The following ZNF469 variants were observed in gnomAD, a reference collection of about 807,000 sequenced individuals.
ZNF469 encodes zinc finger protein 469.
ZNF469 carries 1 observed loss-of-function variant against 1.0 expected under a neutral mutation model. The ratio of observed to expected loss-of-function variants is 1.00; its 90% CI spans 0.35 to 4.73. ZNF469 has a LOEUF of 4.73. ZNF469 is among the 30% of genes most tolerant of loss of function. The probability of loss-of-function intolerance (pLI) is 0.16; values close to 1 mark genes in which losing one functional copy is unlikely to be tolerated. For missense variants in ZNF469, 6,100 were observed against 5,356.3 expected (o/e 1.14, Z -4.33); for synonymous variants, 2,703 against 2,363.4 (o/e 1.14, Z -4.17).
At position 88,431,504 on chromosome 16, in the gene ZNF469, T is replaced by C; in HGVS notation, c.4034T>C (p.Leu1345Pro). 6 of 1,550,456 alleles carry C rather than the reference T, an allele frequency of 3.9e-6. No individual in the cohort carries two copies. Among genetic ancestry groups the C allele is most frequent in the Non-Finnish European group, 5.2e-6 (6 of 1,146,990 alleles). Reference sequence around the variant, plus strand: ...ACCGCCTGCCCCAAACCCAGTGTTCTGTCTTCAAAGATCTCCAGTTTTGGC... The same window carrying C: ...ACCGCCTGCCCCAAACCCAGTGTTCCGTCTTCAAAGATCTCCAGTTTTGGC... Reference protein sequence around the residue: ...SSTACPKPSVLSSKISSFGCD... With the variant: ...SSTACPKPSVPSSKISSFGCD... The change falls in exon 3 of 3, where the codon CTG (leucine) becomes CCG (proline). Residue 1345 changes from leucine to proline, a missense_variant. Coordinates refer to ENST00000565624, the MANE Select transcript of ZNF469 (RefSeq NM_001367624.2).
chr16:88,302,441 G>C, the ZNF469 span: 1 of 152,162 alleles, frequency 6.6e-6, no homozygotes, highest in African/African-American at 2.4e-5. Context: ...CCTTTGGCCC[G>C]GAAGCGCGGC....
chr16:88,319,105 G>A, the ZNF469 span, among the ~76,000 whole-genome samples: 1,638 of 152,262 alleles, frequency 0.011, 25 homozygotes, highest in African/African-American at 0.038. Flanking sequence ...TCAGGCTTCC[G>A]ATGCATGCCT....
the ZNF469 span, among the ~76,000 whole-genome samples, chr16:88,176,776 G>A: frequency 6.8e-4 from 103 of 152,374 alleles, no homozygotes; most frequent in East Asian, 3.3e-3. Context: ...AACGCCCAGC[G>A]CAGCTTCTGG....
intron 1 of ZNF469, among the ~76,000 whole-genome samples, chr16:88,407,010 C>A (rs1191976647): frequency 6.6e-6 from 1 of 152,200 alleles, no homozygotes; most frequent in African/African-American, 2.4e-5. Flanking sequence ...TTTTAAGAGA[C>A]CAGGAGATCG....
chr16:88,311,090 C>G, the ZNF469 span, among the ~76,000 whole-genome samples: 1 of 152,202 alleles, frequency 6.6e-6, no homozygotes, highest in African/African-American at 2.4e-5. Flanking sequence ...GTTTTGAGGA[C>G]CGCCTGGGCA....
rs189845621 is a variant in ZNF469 at position 88,414,757 on chromosome 16, G to A, written c.-191-10050G>A. On this transcript the variant is annotated intron_variant, in intron 1 of 2. Transcript: ENST00000565624. Reference sequence around the variant, plus strand: ...CAGGGAACAGGGCTCTTCAGTGCCCGGGCGGCACAGGGCCACCCCTCACCA... The same window carrying A: ...CAGGGAACAGGGCTCTTCAGTGCCCAGGCGGCACAGGGCCACCCCTCACCA... 4.6e-5 allele frequency among the ~76,000 whole-genome samples: 7 copies of A among 152,354 alleles called. No individual in the cohort carries two copies. The South Asian group carries it at 8.3e-4, about 18-fold the overall frequency.
the ZNF469 span, among the ~76,000 whole-genome samples, chr16:88,313,443 C>G: frequency 6.6e-6 from 1 of 152,208 alleles, no homozygotes; most frequent in Non-Finnish European, 1.5e-5. Flanking sequence ...TAGTGAATAT[C>G]TCTGTCTTAT....
At chr16:88,194,476 C>G in the ZNF469 span, 1 of 152,308 alleles carries the variant, frequency 6.6e-6, no homozygotes, top group African/African-American at 2.4e-5. Context: ...CCTGCAAGAC[C>G]TGCACAGCTC....
At chr16:88,202,666 CGTT>C in the ZNF469 span, among the ~76,000 whole-genome samples, 949 of 152,266 alleles carry the variant, frequency 6.2e-3, 16 homozygotes, top group South Asian at 0.054. Context: ...CCTTAGGAAA[CGTT>C]GTGTCTGCAT....
chr16:88,160,207 C>G, the ZNF469 span, among the ~76,000 whole-genome samples: 1 of 152,344 alleles, frequency 6.6e-6, no homozygotes, highest in Non-Finnish European at 1.5e-5. Context: ...TAAGGAGCCA[C>G]GGCTGTCGCT....
chr16:88,299,426 C>A, the ZNF469 span, among the ~76,000 whole-genome samples: 12 of 152,236 alleles, frequency 7.9e-5, no homozygotes, highest in African/African-American at 2.6e-4. Flanking sequence ...CTCCAGGTGC[C>A]GGCAGCACTG....
At chr16:88,414,678 G>A (rs924547713) in intron 1 of ZNF469, among the ~76,000 whole-genome samples, 1 of 152,252 alleles carries the variant, frequency 6.6e-6, no homozygotes, top group African/African-American at 2.4e-5. Context: ...TCCTGCTCTC[G>A]AGAACAGGCC....
the ZNF469 span, among the ~76,000 whole-genome samples, chr16:88,117,171 G>A: frequency 6.6e-6 from 1 of 151,482 alleles, no homozygotes; most frequent in African/African-American, 2.4e-5. Context: ...TGAGAACTGG[G>A]GGCATGTGAG....
the ZNF469 span, among the ~76,000 whole-genome samples, chr16:88,220,316 G>A: frequency 1.3e-5 from 2 of 152,156 alleles, no homozygotes; most frequent in Non-Finnish European, 2.9e-5. Flanking sequence ...CCGGTGTGAC[G>A]CCAACCCTGC....
the ZNF469 span, among the ~76,000 whole-genome samples, chr16:88,158,055 T>A: frequency 2.6e-5 from 4 of 151,316 alleles, no homozygotes; most frequent in African/African-American, 9.7e-5. Flanking sequence ...GCTCCGGGGG[T>A]CTGCTCTTGG....
At position 88,437,628 on chromosome 16, in the gene ZNF469, G is replaced by A. The variant is rs1454928995; in HGVS notation, c.10158G>A (p.Gly3386=). ...EHGELLAHLG[G]AHGLLERPEL... ...GGGAGCTGCTGGCACACCTGGGCGGGGCGCACGGGCTGCTGGAGCGGCCGG... is the reference window on the plus strand; with the variant it reads ...GGGAGCTGCTGGCACACCTGGGCGGAGCGCACGGGCTGCTGGAGCGGCCGG... Residue 3386 remains glycine, a synonymous_variant, in exon 3 of 3, where the codon GGG becomes GGA. Transcript: ENST00000565624. The A allele has an allele frequency of 1.3e-6, 2 of 1,541,390 alleles. No homozygotes were observed. Among genetic ancestry groups the A allele is most frequent in the African/African-American group, 2.8e-5 (2 of 72,714 alleles).
chr16:88,410,947 C>T lies in ZNF469; in HGVS notation c.-191-13860C>T, dbSNP rs909798296. Among the ~76,000 whole-genome samples, 17 of 152,264 alleles carry T rather than the reference C, an allele frequency of 1.1e-4. No homozygotes were observed. In the East Asian group the frequency reaches 1.9e-3, roughly 17 times the overall value. On this transcript the variant is annotated intron_variant, in intron 1 of 2. Coordinates refer to ENST00000565624, the MANE Select transcript of ZNF469 (RefSeq NM_001367624.2). Reference sequence around the variant, plus strand: ...CTGGAGGTCCCAGGCATTCCTGGCTCGTGGCCGCCTCACTCCACCTCTACC... The same window carrying T: ...CTGGAGGTCCCAGGCATTCCTGGCTTGTGGCCGCCTCACTCCACCTCTACC...
At chr16:88,247,356 GTGAGTGAATGAA>G in the ZNF469 span, among the ~76,000 whole-genome samples, 1 of 105,800 alleles carries the variant, frequency 9.5e-6, no homozygotes, top group Non-Finnish European at 1.8e-5. Context: ...GAGTGAATGA[GTGAGTGAATGAA>G]TGAGTGAGTG....
chr16:88,374,271 A>G, the ZNF469 span, among the ~76,000 whole-genome samples: 34 of 152,344 alleles, frequency 2.2e-4, no homozygotes, highest in South Asian at 7.0e-3. Flanking sequence ...GAGGCAGCAT[A>G]GAGGAGGTGA....
Sources: allele counts gnomAD v4.1 joint callset (sites outside exome capture counted in the v4.1 genomes callset), GRCh38; gene constraint gnomAD v4.1.1; transcripts MANE v1.5; gene names NCBI Gene and HGNC (gene_info 2026-07-23, HGNC 2026-07-21).